PCSK6: variants seen among roughly 807,000 people sequenced by gnomAD.
PCSK6 encodes proprotein convertase subtilisin/kexin type 6.
In PCSK6, 85 loss-of-function variants were observed where a neutral mutation model predicts 123.3. The observed-to-expected ratio is 0.69, with a 90% CI of 0.58 to 0.83. The LOEUF (loss-of-function observed/expected upper bound fraction) is 0.83, where lower values mean the gene tolerates loss of function less well. PCSK6 is among the 40% of genes least tolerant of loss of function. PCSK6 has a pLI of 0.00. For missense variants in PCSK6, 1,191 were observed against 1,282.3 expected (o/e 0.93, Z 1.09); for synonymous variants, 508 against 516.0 (o/e 0.98, Z 0.21).
At chr15:101,413,032 G>GGAGT (rs936773104) in intron 6 of PCSK6, among the ~76,000 whole-genome samples, 12 of 150,894 alleles carry the variant, frequency 8.0e-5, no homozygotes, top group South Asian at 6.3e-4. Flanking sequence ...AGGAGGAGGA[G>GGAGT]GAGGAGGAGG....
chr15:101,307,448 A>T, intron 20 of PCSK6, 123 bp from the exon 21 acceptor site: 1 of 672,158 alleles, frequency 1.5e-6, no homozygotes, highest in Non-Finnish European at 2.6e-6. Flanking sequence ...TCCTCTGTGG[A>T]GAGGCTGTGT....
Position 101,380,345 on chromosome 15 carries a change from G to A in PCSK6, c.1532+1747C>T, listed in dbSNP as rs184513396. Among the ~76,000 whole-genome samples, 30 of 152,334 alleles carry A rather than the reference G, an allele frequency of 2.0e-4. 1 individual carries two copies. Among genetic ancestry groups the A allele is most frequent in the Admixed American group, 7.2e-4 (11 of 15,308 alleles). On this transcript the variant is annotated intron_variant, in intron 11 of 21. Coordinates refer to ENST00000611716, the MANE Select transcript of PCSK6 (RefSeq NM_002570.5). Reference sequence around the variant, plus strand: ...GAGCCGCCCTGACGGGGACACGAGCGGAGGCGCCGGGGCAGAGGGCAGCCC... The same window carrying A: ...GAGCCGCCCTGACGGGGACACGAGCAGAGGCGCCGGGGCAGAGGGCAGCCC...
intron 17 of PCSK6, among the ~76,000 whole-genome samples, chr15:101,323,553 A>G (rs755780647): frequency 6.6e-6 from 1 of 152,200 alleles, no homozygotes; most frequent in Non-Finnish European, 1.5e-5. Context: ...CAACATGGTG[A>G]AACCCCATCT....
At chr15:101,444,550 G>C (rs117056379) in intron 1 of PCSK6, among the ~76,000 whole-genome samples, 53 of 152,208 alleles carry the variant, frequency 3.5e-4, no homozygotes, top group African/African-American at 1.3e-3. Context: ...TAAGACTAAT[G>C]GTCCTCTACA....
intron 13 of PCSK6, chr15:101,346,705 TC>T (rs2040738898): frequency 8.5e-7 from 1 of 1,178,992 alleles, no homozygotes; most frequent in African/African-American, 1.6e-5. Context: ...TCAAGAGAGC[TC>T]TCCCTCTTCC....
intron 17 of PCSK6, among the ~76,000 whole-genome samples, chr15:101,324,563 T>A (rs150012067): frequency 6.6e-6 from 1 of 152,330 alleles, no homozygotes; most frequent in East Asian, 1.9e-4. Context: ...TGCTCAGTAG[T>A]GGACGTTGAC....
chr15:101,438,483 G>C (rs191950408), intron 2 of PCSK6, among the ~76,000 whole-genome samples: 1 of 152,308 alleles, frequency 6.6e-6, no homozygotes, highest in African/African-American at 2.4e-5. Context: ...ACTTGTAAGG[G>C]AGTAAAAGCA....
In PCSK6 at chr15:101,398,413, G is replaced by A; in HGVS notation, c.987C>T (p.Gly329=). The change falls in exon 7 of 22, where the codon GGC becomes GGT. Residue 329 remains glycine, a synonymous_variant. Transcript: ENST00000611716. This position sits in a 1 kb window ranked among gnomAD's most constrained non-coding sequence, Gnocchi z 4.6. Reference sequence around the variant, plus strand: ...CCCTGGTTACTCACACCTTTTTAATGCCATACTCGAAAGCCTGCTTAGCCA... The same window carrying A: ...CCCTGGTTACTCACACCTTTTTAATACCATACTCGAAAGCCTGCTTAGCCA... ...GRLAKQAFEY[G]IKKGRQGLGS... 6.2e-7 allele frequency: 1 copy of A among 1,609,704 alleles called. No homozygotes were observed. Among genetic ancestry groups the A allele is most frequent in the East Asian group, 2.2e-5 (1 of 44,742 alleles).
At chr15:101,351,181 G>C (rs550804385) in intron 13 of PCSK6, among the ~76,000 whole-genome samples, 4 of 152,268 alleles carry the variant, frequency 2.6e-5, no homozygotes, top group South Asian at 2.1e-4. Flanking sequence ...GCCATGGCGG[G>C]ATATTCCCAT....
At chr15:101,326,592 C>T in intron 15 of PCSK6, 113 bp from the exon 16 acceptor site, 2 of 1,038,246 alleles carry the variant, frequency 1.9e-6, no homozygotes, top group Non-Finnish European at 1.4e-6. Flanking sequence ...GAGACGCTCC[C>T]AGGCCCCGCT....
At chr15:101,391,383 C>G (rs370196538) in intron 8 of PCSK6, among the ~76,000 whole-genome samples, 1 of 152,174 alleles carries the variant, frequency 6.6e-6, no homozygotes. Context: ...AGCTGGTTCT[C>G]CAGCTTCAGA....
At position 101,458,993 on chromosome 15, in the gene PCSK6, G is replaced by A. The variant is rs541184750; in HGVS notation, c.298-15333C>T. On this transcript the variant is annotated intron_variant, in intron 1 of 21. Transcript: ENST00000611716. The stretch of plus-strand genomic sequence containing the variant: ...TGACAGCTGTAGGACTGTGGTTCAC[G>A]AGCCACGTGTTCAGAGAGAAGTGGC... Among the ~76,000 whole-genome samples, 10 of 152,256 alleles carry A rather than the reference G, an allele frequency of 6.6e-5. No homozygotes were observed. The East Asian group carries it at 1.4e-3, about 21-fold the overall frequency.
At chr15:101,384,010 T>C (rs148558733) in intron 10 of PCSK6, 25 of 673,992 alleles carry the variant, frequency 3.7e-5, no homozygotes, top group Middle Eastern at 7.5e-4. Flanking sequence ...GCTGCGACTA[T>C]AGGCACACGT....
In PCSK6 at chr15:101,398,697, T is replaced by C. The variant is rs2042495920; in HGVS notation, c.824-121A>G. The C allele has an allele frequency of 1.9e-6, 2 of 1,079,386 alleles. No homozygotes were observed. Among genetic ancestry groups the C allele is most frequent in the Admixed American group, 2.7e-5 (1 of 37,362 alleles). The allele number at this position is 1,079,386 out of a possible 1,614,324, so 66.9% of individuals were successfully genotyped here. ...CACAGAGTCCCTCCCCAGCAGGGGC[T>C]GTTCCCAGTCATTCTGCAAAACTGG... On this transcript the variant is annotated intron_variant, in intron 6 of 21. Transcript: ENST00000611716. The surrounding 1 kb of genome is among the most constrained non-coding windows in gnomAD (Gnocchi z 4.6).
chr15:101,405,182 G>A (rs948660322), intron 6 of PCSK6, among the ~76,000 whole-genome samples: 12 of 152,174 alleles, frequency 7.9e-5, no homozygotes, highest in Non-Finnish European at 1.5e-5. Flanking sequence ...AAATGCCAAG[G>A]AGAAGAAAAA....
chr15:101,395,121 T>C (rs543693874), intron 7 of PCSK6, among the ~76,000 whole-genome samples: 2 of 152,324 alleles, frequency 1.3e-5, no homozygotes, highest in East Asian at 1.9e-4. Flanking sequence ...GAATTAGTCC[T>C]AGACACTGCC....
intron 5 of PCSK6, 137 bp from the exon 6 acceptor site, chr15:101,428,117 C>A (rs1424344301): frequency 5.6e-6 from 4 of 713,850 alleles, no homozygotes; most frequent in Non-Finnish European, 9.5e-6. Context: ...TTCCTGCATC[C>A]CCTCTCATCA....
chr15:101,327,008 G>A (rs868508664), intron 15 of PCSK6, among the ~76,000 whole-genome samples: 7 of 152,114 alleles, frequency 4.6e-5, no homozygotes, highest in African/African-American at 7.2e-5. Context: ...ATGGATCTCC[G>A]CATGCTCAGG....
In PCSK6 at chr15:101,401,449, T is replaced by C. The variant is rs537070253; in HGVS notation, c.824-2873A>G. Reference sequence around the variant, plus strand: ...AGCCACCAGTGTCCAGGCACTGAGATGGCACAAGGCAAGTGGACTTAGATG... The same window carrying C: ...AGCCACCAGTGTCCAGGCACTGAGACGGCACAAGGCAAGTGGACTTAGATG... On this transcript the variant is annotated intron_variant, in intron 6 of 21. Coordinates refer to ENST00000611716, the MANE Select transcript of PCSK6 (RefSeq NM_002570.5). Among the ~76,000 whole-genome samples, 17 of 152,306 alleles carry C rather than the reference T, an allele frequency of 1.1e-4. No homozygotes were observed. In the East Asian group the frequency reaches 1.2e-3, roughly 10 times the overall value.
Sources: allele counts gnomAD v4.1 joint callset (sites outside exome capture counted in the v4.1 genomes callset), GRCh38; gene constraint gnomAD v4.1.1; non-coding constraint Gnocchi (gnomAD v3.1); transcripts MANE v1.5; gene names NCBI Gene and HGNC (gene_info 2026-07-23, HGNC 2026-07-21).